Variants in VMP1 observed in about 807,000 individuals in gnomAD.
VMP1 encodes the protein vacuole membrane protein 1.
A neutral mutation model predicts 56.0 loss-of-function variants in VMP1; 11 were observed. The observed-to-expected ratio is 0.20, with a 90% CI of 0.12 to 0.32. The LOEUF is 0.32. Among genes scored for constraint, VMP1 ranks in the 10% least tolerant of loss-of-function variants. The probability of loss-of-function intolerance (pLI) is 1.00; values close to 1 mark genes in which losing one functional copy is unlikely to be tolerated. For synonymous variants in VMP1, 149 were observed against 165.0 expected (o/e 0.90, Z 0.74); for missense variants, 296 against 490.3 (o/e 0.60, Z 3.74).
chr17:59,833,356 C>G (rs189245887), intron 10 of VMP1, among the ~76,000 whole-genome samples: 34 of 152,082 alleles, frequency 2.2e-4, no homozygotes, highest in Admixed American at 1.2e-3. Context: ...TAGCCTAAGT[C>G]ATTGTAGAGG....
At chr17:59,832,409 C>T (rs553074368) in intron 10 of VMP1, among the ~76,000 whole-genome samples, 4 of 151,820 alleles carry the variant, frequency 2.6e-5, no homozygotes, top group Admixed American at 2.6e-4. Context: ...TGGTGCCCAA[C>T]CTACTTCTTT....
intron 1 of VMP1, among the ~76,000 whole-genome samples, chr17:59,723,181 G>C (rs940016369): frequency 1.3e-5 from 2 of 152,134 alleles, no homozygotes; most frequent in African/African-American, 4.8e-5. Context: ...AGTTCCTTCT[G>C]TGATTCTAAT....
chr17:59,722,299 T>C (rs1252579348), intron 1 of VMP1, among the ~76,000 whole-genome samples: 4 of 152,176 alleles, frequency 2.6e-5, no homozygotes, highest in Non-Finnish European at 2.9e-5. Context: ...ATCAAAGCCG[T>C]TGGTAATCAT....
At chr17:59,836,490 A>G (rs1164617134) in intron 10 of VMP1, among the ~76,000 whole-genome samples, 1 of 152,058 alleles carries the variant, frequency 6.6e-6, no homozygotes, top group African/African-American at 2.4e-5. Context: ...GAGCCACCAC[A>G]CATGGCCTAG....
chr17:59,807,191 G>GTTTTTT (rs1457969471), intron 7 of VMP1, among the ~76,000 whole-genome samples: 1 of 142,746 alleles, frequency 7.0e-6, no homozygotes, highest in African/African-American at 2.6e-5. Context: ...CTTCTTTTTT[G>GTTTTTT]TTTTTTTGTT....
intron 6 of VMP1, among the ~76,000 whole-genome samples, chr17:59,770,986 TTG>T (rs943182063): frequency 6.6e-6 from 1 of 151,898 alleles, no homozygotes; most frequent in African/African-American, 2.4e-5. Context: ...AGTTGATAAA[TTG>T]TGTTTTTTTT....
chr17:59,762,773 G>A (rs886980240), intron 5 of VMP1, among the ~76,000 whole-genome samples: 1 of 151,996 alleles, frequency 6.6e-6, no homozygotes, highest in Non-Finnish European at 1.5e-5. Flanking sequence ...TCAGAGACTT[G>A]AAAAAACATT....
At chr17:59,782,908 A>G (rs1055936995) in intron 7 of VMP1, among the ~76,000 whole-genome samples, 3 of 152,202 alleles carry the variant, frequency 2.0e-5, no homozygotes, top group Non-Finnish European at 4.4e-5. Context: ...TGATTTTACT[A>G]AGAAATTGTT....
At chr17:59,800,399 G>A (rs1038091764) in intron 7 of VMP1, among the ~76,000 whole-genome samples, 4 of 152,092 alleles carry the variant, frequency 2.6e-5, no homozygotes, top group African/African-American at 7.3e-5. Flanking sequence ...ATTGCTTGGC[G>A]TGCATATTTG....
At chr17:59,728,302 A>G (rs2034686807) in intron 1 of VMP1, among the ~76,000 whole-genome samples, 3 of 152,232 alleles carry the variant, frequency 2.0e-5, no homozygotes, top group Non-Finnish European at 4.4e-5. Context: ...TCAGCTAAAT[A>G]TAAATCTAGC....
intron 5 of VMP1, among the ~76,000 whole-genome samples, chr17:59,759,387 TAAAG>T (rs2035961365): frequency 7.5e-6 from 1 of 133,696 alleles, no homozygotes; most frequent in African/African-American, 2.5e-5. Flanking sequence ...AAAAATAAAA[TAAAG>T]AAATTTCTAG....
chr17:59,738,864 C>G lies in VMP1; in HGVS notation c.331C>G (p.Leu111Val), dbSNP rs1255371042. Reference protein sequence around the residue: ...QYVQRIEKQFLLYAYWIGLGI... With the variant: ...QYVQRIEKQFVLYAYWIGLGI... ...TGTGCAACGTATAGAGAAACAGTTT[C>G]TTTTGTATGCCTACTGGATAGGCTT... is the stretch of plus-strand genomic sequence containing the variant. Residue 111 changes from leucine (L) to valine (V), a missense_variant, in exon 5 of 12, where the codon CTT becomes GTT. Physicochemically the swap from Leu to Val is conservative, Grantham distance 32. Transcript: ENST00000262291. The G allele has an allele frequency of 1.2e-6, 2 of 1,612,210 alleles. No individual in the cohort carries two copies. Among genetic ancestry groups the G allele is most frequent in the Non-Finnish European group, 1.7e-6 (2 of 1,179,336 alleles).
At chr17:59,716,477 T>C (rs1224502181) in intron 1 of VMP1, among the ~76,000 whole-genome samples, 1 of 152,196 alleles carries the variant, frequency 6.6e-6, no homozygotes, top group Non-Finnish European at 1.5e-5. Context: ...TATATGTGAC[T>C]CTGGAATTCC....
chr17:59,759,320 G>A (rs1225705739), intron 5 of VMP1, among the ~76,000 whole-genome samples: 2 of 152,102 alleles, frequency 1.3e-5, no homozygotes, highest in Admixed American at 6.5e-5. Context: ...GTTGCAGTGA[G>A]CCAGGATCGT....
intron 5 of VMP1, among the ~76,000 whole-genome samples, chr17:59,752,740 T>G (rs1207160078): frequency 6.6e-6 from 1 of 152,112 alleles, no homozygotes; most frequent in Non-Finnish European, 1.5e-5. Context: ...ATGGATTAAG[T>G]TTAGATGTCA....
At chr17:59,808,747 C>T (rs750652348) in intron 7 of VMP1, 49 bp from the exon 8 acceptor site, 1 of 1,435,678 alleles carries the variant, frequency 7.0e-7, no homozygotes, top group Non-Finnish European at 9.8e-7. Flanking sequence ...AACCATCTTT[C>T]CTTCTTTTCC....
At chr17:59,773,516 C>T (rs1049365887) in intron 6 of VMP1, among the ~76,000 whole-genome samples, 4 of 151,776 alleles carry the variant, frequency 2.6e-5, no homozygotes, top group Admixed American at 6.6e-5. Context: ...GCTACAGGTG[C>T]GTGCCCACTG....
At chr17:59,713,770 C>G (rs187914899) in intron 1 of VMP1, among the ~76,000 whole-genome samples, 8 of 145,386 alleles carry the variant, frequency 5.5e-5, no homozygotes. Context: ...GGGCTGGGCA[C>G]AATGGTTCAC....
chr17:59,728,055 G>C (rs930979682), intron 1 of VMP1, among the ~76,000 whole-genome samples: 4 of 152,116 alleles, frequency 2.6e-5, no homozygotes, highest in African/African-American at 9.7e-5. Context: ...TGCTTATTCA[G>C]CATTGAAGAC....
Sources: gnomAD v4.1 joint callset for allele counts (sites outside exome capture counted in the v4.1 genomes callset) on GRCh38, gnomAD v4.1.1 for gene constraint, MANE v1.5 for transcripts, NCBI Gene and HGNC (gene_info 2026-07-23, HGNC 2026-07-21) for gene names.